Variants in APC observed in about 807,000 individuals in gnomAD.
APC encodes the protein adenomatous polyposis coli protein.
In APC, 72 loss-of-function variants were observed where a neutral mutation model predicts 247.0. The ratio of observed to expected loss-of-function variants is 0.29; its 90% CI spans 0.24 to 0.35. The LOEUF (loss-of-function observed/expected upper bound fraction) is 0.35. APC is among the 10% of genes least tolerant of loss of function. The probability of loss-of-function intolerance (pLI) is 1.00; values close to 1 mark genes in which losing one functional copy is unlikely to be tolerated. For missense variants in APC, 3,400 were observed against 3,360.7 expected (o/e 1.01, Z -0.29); for synonymous variants, 1,254 against 1,162.5 (o/e 1.08, Z -1.60).
rs2149898779 is a variant in APC, at chr5:112,839,371, A to G, written c.3777A>G (p.Ile1259Met). Reference protein sequence around the residue: ...CKVSSINQETIQTYCVEDTPI... With the variant: ...CKVSSINQETMQTYCVEDTPI... ...TTTCTTCTATTAACCAAGAAACAAT[A>G]CAGACTTATTGTGTAGAAGATACTC... Residue 1259 changes from isoleucine (I) to methionine (M), a missense_variant, in exon 16 of 16, where the codon ATA becomes ATG. Around this residue, in one of 9 missense-constraint regions of APC, gnomAD observed 715 missense variants for 656.6 expected, o/e 1.09. Coordinates refer to ENST00000257430, the MANE Select transcript of APC (RefSeq NM_000038.6). The surrounding 1 kb of genome is among the most constrained non-coding windows in gnomAD (Gnocchi z 5.0). 5.6e-6 allele frequency: 9 copies of G among 1,613,822 alleles called. No homozygotes were observed. Among genetic ancestry groups the G allele is most frequent in the Non-Finnish European group, 6.8e-6 (8 of 1,179,862 alleles).
At chr5:112,825,953 A>G (rs1050036949) in intron 11 of APC, among the ~76,000 whole-genome samples, 18 of 152,338 alleles carry the variant, frequency 1.2e-4, no homozygotes, top group Admixed American at 6.5e-4. Flanking sequence ...TTTCCTAAAT[A>G]TGATTTGGAT....
intron 2 of APC, among the ~76,000 whole-genome samples, chr5:112,765,540 A>G (rs557548803): frequency 9.8e-5 from 15 of 152,358 alleles, no homozygotes; most frequent in African/African-American, 3.4e-4. Context: ...TTTAGTTACA[A>G]AGTTGCAAAT....
intron 6 of APC, among the ~76,000 whole-genome samples, chr5:112,784,127 G>T (rs955983209): frequency 8.5e-5 from 13 of 152,170 alleles, no homozygotes; most frequent in African/African-American, 3.1e-4. Context: ...GAGTGCAGTG[G>T]TTTGATTTCG....
chr5:112,782,176 C>T (rs1758422562), intron 6 of APC, among the ~76,000 whole-genome samples: 1 of 152,186 alleles, frequency 6.6e-6, no homozygotes, highest in Non-Finnish European at 1.5e-5. Flanking sequence ...TCATGTCTTA[C>T]ATGGGTGGCA....
intron 1 of APC, among the ~76,000 whole-genome samples, chr5:112,732,175 C>T (rs2149673596): frequency 6.6e-6 from 1 of 152,314 alleles, no homozygotes; most frequent in Non-Finnish European, 1.5e-5. Flanking sequence ...GTTTCTTTCT[C>T]CTGTAAGCAA....
chr5:112,805,787 C>T (rs1253895054), intron 8 of APC, among the ~76,000 whole-genome samples: 2 of 152,222 alleles, frequency 1.3e-5, no homozygotes, highest in African/African-American at 2.4e-5. Flanking sequence ...CAGTAGCATG[C>T]TCTGCCAAAG....
intron 10 of APC, among the ~76,000 whole-genome samples, chr5:112,820,131 C>A (rs999358987): frequency 6.6e-6 from 1 of 151,534 alleles, no homozygotes; most frequent in Non-Finnish European, 1.5e-5. Flanking sequence ...AGCCAAGAAC[C>A]AAAAGCAGTA....
In APC at chr5:112,742,084, G is replaced by T. The variant is rs370801003; in HGVS notation, c.-19+4159G>T. ...TCATGAATAATGCTACTATGAACGT[G>T]GGTGTGCAAGTGTCTGCTTGGGTTT... On this transcript the variant is annotated intron_variant, in intron 1 of 15. Coordinates refer to ENST00000257430, the MANE Select transcript of APC (RefSeq NM_000038.6). 6.6e-5 allele frequency among the ~76,000 whole-genome samples: 10 copies of T among 152,220 alleles called. No homozygotes were observed. In the East Asian group the frequency reaches 1.4e-3, roughly 21 times the overall value.
chr5:112,774,885 T>C (rs1757449217), intron 4 of APC, among the ~76,000 whole-genome samples: 1 of 152,232 alleles, frequency 6.6e-6, no homozygotes. Flanking sequence ...TATGTCCTTG[T>C]ATTTTTATAG....
At chr5:112,835,701 A>C (rs1764815841) in intron 15 of APC, among the ~76,000 whole-genome samples, 1 of 151,360 alleles carries the variant, frequency 6.6e-6, no homozygotes, top group Non-Finnish European at 1.5e-5. Flanking sequence ...GCTTCCCAAC[A>C]AGCTGGGACT....
chr5:112,736,880 C>T (rs1163936502), upstream of APC, among the ~76,000 whole-genome samples: 2 of 152,210 alleles, frequency 1.3e-5, no homozygotes, highest in African/African-American at 4.8e-5. Context: ...CACCACTGCA[C>T]TCGCCTGGTG....
intron 1 of APC, among the ~76,000 whole-genome samples, chr5:112,747,193 G>C (rs1250230659): frequency 1.3e-5 from 2 of 151,978 alleles, no homozygotes; most frequent in African/African-American, 4.8e-5. Context: ...CAAAAGCCTA[G>C]GGATAAATTT....
chr5:112,730,504 T>G (rs1351863113), intron 1 of APC, among the ~76,000 whole-genome samples: 1 of 152,242 alleles, frequency 6.6e-6, no homozygotes, highest in Non-Finnish European at 1.5e-5. Context: ...ATGTGAATAG[T>G]GATACCTTTA....
chr5:112,799,804 G>T (rs948180127), intron 7 of APC, among the ~76,000 whole-genome samples: 1 of 151,808 alleles, frequency 6.6e-6, no homozygotes, highest in Non-Finnish European at 1.5e-5. Context: ...ATGATTCGTT[G>T]ACACGCTAAA....
rs6875894 is a variant in APC at position 112,844,268 on chromosome 5, C to T, written c.*142C>T. 9.2e-4 allele frequency: 729 copies of T among 789,550 alleles called. 5 individuals are homozygous for T. The African/African-American group carries it at 0.011, about 12-fold the overall frequency. The allele number at this position is 789,550 out of a possible 1,614,324, so 48.9% of individuals were successfully genotyped here. The stretch of plus-strand genomic sequence containing the variant: ...GTTAGAGGGTTTTTGTTCTGGAAGC[C>T]ATATTTGATAGTATACTTTGTCTTC... On this transcript the variant is annotated 3_prime_UTR_variant, in exon 16 of 16. Transcript: ENST00000257430.
At chr5:112,789,328 T>C (rs1179920823) in intron 6 of APC, among the ~76,000 whole-genome samples, 1 of 152,186 alleles carries the variant, frequency 6.6e-6, no homozygotes, top group Non-Finnish European at 1.5e-5. Flanking sequence ...CTCCAAAAGT[T>C]TCCTGTTTTG....
At chr5:112,814,427 T>C (rs1036150870) in intron 8 of APC, among the ~76,000 whole-genome samples, 1 of 152,116 alleles carries the variant, frequency 6.6e-6, no homozygotes, top group Non-Finnish European at 1.5e-5. Flanking sequence ...CATCATTACT[T>C]ACCCATTTAT....
chr5:112,769,050 CTTTTTTTTTTT>C lies in APC; in HGVS notation c.422+1670_422+1680del, dbSNP rs11379766. ...AAAGTAAATTTTTCTTTTTTTTCTT[CTTTTTTTTTTT>C]TTTTTTTTTGAGATAAGAGTCTTCC... On this transcript the variant is annotated intron_variant, in intron 4 of 15. Coordinates refer to ENST00000257430, the MANE Select transcript of APC (RefSeq NM_000038.6). Among the ~76,000 whole-genome samples the C allele has an allele frequency of 2.3e-4, 22 of 96,810 alleles. No individual in the cohort carries two copies. The South Asian group carries it at 6.7e-3, about 29-fold the overall frequency. 63.5% of individuals were successfully genotyped at this position (96,810 alleles called of 152,430 possible).
rs1310352139 is a variant in APC at position 112,775,705 on chromosome 5, A to G, written c.499A>G (p.Lys167Glu). 2 of 1,598,856 alleles carry G rather than the reference A, an allele frequency of 1.3e-6. No individual in the cohort carries two copies. The highest frequency in any genetic ancestry group is 2.7e-5 in the African/African-American group (2 of 74,352). ...WYYAQLQNLTKRIDSLPLTEN... is the reference protein window; with the variant it reads ...WYYAQLQNLTERIDSLPLTEN... Reference sequence around the variant, plus strand: ...TTACGCTCAACTTCAGAATCTCACTAAAAGAATAGATAGTCTTCCTTTAAC... The same window carrying G: ...TTACGCTCAACTTCAGAATCTCACTGAAAGAATAGATAGTCTTCCTTTAAC... The change falls in exon 5 of 16, where the codon AAA becomes GAA. Residue 167 changes from lysine to glutamate, a missense_variant. Around this residue, in one of 9 missense-constraint regions of APC, gnomAD observed 372 missense variants for 367.6 expected, o/e 1.01. Coordinates refer to ENST00000257430, the MANE Select transcript of APC (RefSeq NM_000038.6).
Sources: allele counts gnomAD v4.1 joint callset (sites outside exome capture counted in the v4.1 genomes callset), GRCh38; gene constraint gnomAD v4.1.1; regional missense constraint gnomAD v4.1.1; non-coding constraint Gnocchi (gnomAD v3.1); transcripts MANE v1.5; gene names NCBI Gene and HGNC (gene_info 2026-07-23, HGNC 2026-07-21).